NMNAT1: variants seen among roughly 807,000 people sequenced by gnomAD.
NMNAT1 encodes the protein nicotinamide nucleotide adenylyltransferase 1.
In NMNAT1, 11 loss-of-function variants were observed where a neutral mutation model predicts 16.7. The observed-to-expected ratio is 0.66, with a 90% CI of 0.41 to 1.09. NMNAT1 has a LOEUF of 1.09. Ranked by LOEUF, NMNAT1 falls within the 50% of genes least tolerant of loss-of-function variation. NMNAT1 has a pLI of 0.00. For missense variants in NMNAT1, 280 were observed against 332.3 expected (o/e 0.84, Z 1.22); for synonymous variants, 110 against 119.8 (o/e 0.92, Z 0.53).
intron 2 of NMNAT1, 57 bp downstream of exon 2, chr1:9,972,245 TCA>T (rs1368318486): frequency 9.2e-6 from 8 of 866,006 alleles, no homozygotes; most frequent in Admixed American, 5.5e-5. Context: ...GTGCAGTGGC[TCA>T]CACCTGCAAT....
intron 1 of NMNAT1, chr1:9,960,806 G>C (rs1641384857): frequency 6.6e-6 from 1 of 152,226 alleles, no homozygotes; most frequent in Admixed American, 6.6e-5. Context: ...TGGGCCCAGA[G>C]CACCTGGAGC....
chr1:9,982,818 T>A lies in NMNAT1; in HGVS notation c.*117T>A. The A allele has an allele frequency of 8.5e-7, 1 of 1,172,574 alleles. No homozygotes were observed. Among genetic ancestry groups the A allele is most frequent in the South Asian group, 1.6e-5 (1 of 61,570 alleles). 72.6% of individuals were successfully genotyped at this position (1,172,574 alleles called of 1,614,324 possible). A position where few individuals can be genotyped will look rare whatever the true frequency, so the allele number is the denominator to read the frequency against. ...CCTAAACTAAAGCTTAAAAGTTTAGTAAAAATCGTCTGGGCACAGTGGCTC... is the reference window on the plus strand; with the variant it reads ...CCTAAACTAAAGCTTAAAAGTTTAGAAAAAATCGTCTGGGCACAGTGGCTC... On this transcript the variant is annotated 3_prime_UTR_variant, in exon 5 of 5. Transcript: ENST00000377205.
chr1:9,994,452 C>T, the NMNAT1 span, among the ~76,000 whole-genome samples: 28 of 151,574 alleles, frequency 1.8e-4, no homozygotes, highest in Admixed American at 1.6e-3. Context: ...ATTTTTGAGA[C>T]AGAGTTTGGC....
intron 1 of NMNAT1, chr1:9,947,672 T>C: frequency 6.6e-6 from 1 of 152,256 alleles, no homozygotes; most frequent in East Asian, 1.9e-4. Context: ...TTTGGAGTCA[T>C]GCTTGACTTT....
chr1:9,950,534 ACG>A (rs1253995372), intron 1 of NMNAT1: 1 of 152,264 alleles, frequency 6.6e-6, no homozygotes, highest in African/African-American at 2.4e-5. Flanking sequence ...CCTGGTAGAG[ACG>A]AGTATCTCAG....
chr1:9,977,630 G>A (rs1204513988), intron 3 of NMNAT1, among the ~76,000 whole-genome samples: 1 of 152,040 alleles, frequency 6.6e-6, no homozygotes, highest in East Asian at 1.9e-4. Context: ...ACTTTGGGAG[G>A]CTGAGGCCGG....
Position 9,975,462 on chromosome 1 carries a change from G to A in NMNAT1, c.116-130G>A. The A allele has an allele frequency of 7.1e-6, 5 of 701,962 alleles. No homozygotes were observed. In the South Asian group the frequency reaches 1.1e-4, roughly 15 times the overall value. 43.5% of individuals were successfully genotyped at this position (701,962 alleles called of 1,614,324 possible). A position where few individuals can be genotyped will look rare whatever the true frequency, so the allele number is the denominator to read the frequency against. On this transcript the variant is annotated intron_variant, in intron 2 of 4. Transcript: ENST00000377205. ...GTTGCAGTGAGCCGAGATCACTCCA[G>A]TGCGGCCTGGGGAACAGAGCAAGAC...
intron 1 of NMNAT1, among the ~76,000 whole-genome samples, chr1:9,961,846 G>A (rs991978212): frequency 6.6e-6 from 1 of 151,894 alleles, no homozygotes; most frequent in African/African-American, 2.4e-5. Context: ...ATCTCGGCTC[G>A]CCGCAACCTC....
Position 9,962,756 on chromosome 1 carries a change from A to G in NMNAT1, c.-56-9262A>G, listed in dbSNP as rs963448579. The stretch of plus-strand genomic sequence containing the variant: ...GAGTGCAGTGGCGCGATCTCGGCTC[A>G]CTGCAAGCTCCGCCTCCCGGGTTCA... On this transcript the variant is annotated intron_variant, in intron 1 of 4. Coordinates refer to ENST00000377205, the MANE Select transcript of NMNAT1 (RefSeq NM_022787.4). Among the ~76,000 whole-genome samples, 10 of 129,438 alleles carry G rather than the reference A, an allele frequency of 7.7e-5. No individual in the cohort carries two copies. In the East Asian group the frequency reaches 2.2e-3, roughly 28 times the overall value. The allele number at this position is 129,438 out of a possible 152,430, so 84.9% of individuals were successfully genotyped here. A position where few individuals can be genotyped will look rare whatever the true frequency, so the allele number is the denominator to read the frequency against.
intron 3 of NMNAT1, among the ~76,000 whole-genome samples, chr1:9,979,552 G>A (rs1641889878): frequency 6.6e-6 from 1 of 152,126 alleles, no homozygotes; most frequent in Non-Finnish European, 1.5e-5. Context: ...TGTAATCCCA[G>A]CACTTTGGGA....
intron 1 of NMNAT1, 69 bp downstream of exon 1, chr1:9,943,584 T>G (rs1367386826): frequency 6.6e-6 from 1 of 152,152 alleles, no homozygotes; most frequent in East Asian, 1.9e-4. Context: ...GAGTCCAGGA[T>G]GGTGTGGTGG....
At chr1:9,989,961 T>G (rs1642090122), downstream of NMNAT1, among the ~76,000 whole-genome samples, 1 of 152,208 alleles carries the variant, frequency 6.6e-6, no homozygotes, top group South Asian at 2.1e-4. Flanking sequence ...CCCCAGCTCC[T>G]GCACCCGCTC....
At chr1:9,959,405 G>A (rs1374167282) in intron 1 of NMNAT1, among the ~76,000 whole-genome samples, 3 of 150,584 alleles carry the variant, frequency 2.0e-5, no homozygotes, top group African/African-American at 4.9e-5. Context: ...AAAAGAGGCC[G>A]GGTGCGGTGA....
chr1:9,990,537 C>T, the NMNAT1 span, among the ~76,000 whole-genome samples: 25 of 152,178 alleles, frequency 1.6e-4, no homozygotes, highest in Admixed American at 6.6e-4. Flanking sequence ...ATAGGGTTTC[C>T]GGGATTGGTT....
At chr1:9,955,403 C>T (rs868393962) in intron 1 of NMNAT1, among the ~76,000 whole-genome samples, 1 of 90,820 alleles carries the variant, frequency 1.1e-5, no homozygotes, top group African/African-American at 4.5e-5. Context: ...GACTTTGTCT[C>T]AAAAAAAAAA....
In NMNAT1 at chr1:9,966,010, A is replaced by T. The variant is rs1375660525; in HGVS notation, c.-56-6008A>T. Among the ~76,000 whole-genome samples the T allele has an allele frequency of 2.0e-5, 3 of 151,980 alleles. No individual in the cohort carries two copies. In the East Asian group the frequency reaches 5.8e-4, roughly 29 times the overall value. ...CTCAAAAAAAAAAATTTTATTCAGA[A>T]GTATTTGGCTGGGCACGGTGGCTCA... On this transcript the variant is annotated intron_variant, in intron 1 of 4. Transcript: ENST00000377205.
At position 9,984,743 on chromosome 1, in the gene NMNAT1, A is replaced by G. The variant is rs1642016794; in HGVS notation, c.*2042A>G. 1.3e-5 allele frequency: 2 copies of G among 152,210 alleles called. No homozygotes were observed. The highest frequency in any genetic ancestry group is 6.6e-5 in the Admixed American group (1 of 15,266). 9.4% of individuals were successfully genotyped at this position (152,210 alleles called of 1,614,324 possible). A position where few individuals can be genotyped will look rare whatever the true frequency, so the allele number is the denominator to read the frequency against. ...ATTGTGTAATTTGAAAGTGGCAAACAAACCTGCAGTAAAAGTCCTTGATTG... is the reference window on the plus strand; with the variant it reads ...ATTGTGTAATTTGAAAGTGGCAAACGAACCTGCAGTAAAAGTCCTTGATTG... On this transcript the variant is annotated 3_prime_UTR_variant, in exon 5 of 5. Transcript: ENST00000377205.
At chr1:9,993,081 T>C in the NMNAT1 span, among the ~76,000 whole-genome samples, 1 of 151,566 alleles carries the variant, frequency 6.6e-6, no homozygotes, top group African/African-American at 2.4e-5. Context: ...AGGAACTGAG[T>C]TGGGGGAGAC....
intron 1 of NMNAT1, among the ~76,000 whole-genome samples, chr1:9,964,722 G>A (rs1332142660): frequency 6.6e-6 from 1 of 151,812 alleles, no homozygotes; most frequent in African/African-American, 2.4e-5. Flanking sequence ...GCCGAGGCAG[G>A]CGGATCATGA....
Sources: gnomAD v4.1 joint callset for allele counts (sites outside exome capture counted in the v4.1 genomes callset) on GRCh38, gnomAD v4.1.1 for gene constraint, MANE v1.5 for transcripts, NCBI Gene and HGNC (gene_info 2026-07-23, HGNC 2026-07-21) for gene names.